The following AGAP6 variants were observed in gnomAD, a reference collection of about 807,000 sequenced individuals.
AGAP6 encodes ArfGAP with GTPase domain, ankyrin repeat and PH domain 6, also known as arf-GAP with GTPase, ANK repeat and PH domain-containing protein 6.
Under a neutral mutation model 63.9 loss-of-function variants are expected in AGAP6, and 29 were observed. The observed-to-expected ratio is 0.45, with a 90% CI of 0.34 to 0.62. The LOEUF (loss-of-function observed/expected upper bound fraction) is 0.62, where lower values mean the gene tolerates loss of function less well. Among genes scored for constraint, AGAP6 ranks in the 20% least tolerant of loss-of-function variants. The pLI is 0.01. For synonymous variants in AGAP6, 199 were observed against 332.9 expected (o/e 0.60, Z 4.38); for missense variants, 493 against 884.9 (o/e 0.56, Z 5.62).
chr10:49,992,914 A>G (rs1235418460), intron 3 of AGAP6, among the ~76,000 whole-genome samples: 2 of 152,238 alleles, frequency 1.3e-5, no homozygotes, highest in African/African-American at 2.4e-5. Flanking sequence ...GGTGGGCACC[A>G]TAACACCTGG....
chr10:49,990,156 T>C (rs1376145688), intron 2 of AGAP6, among the ~76,000 whole-genome samples: 1 of 152,322 alleles, frequency 6.6e-6, no homozygotes, highest in South Asian at 2.1e-4. Context: ...GTTACAGTTT[T>C]GGCTGGGCTT....
At chr10:50,008,115 C>T (rs782338731) in intron 7 of AGAP6, 39 bp downstream of exon 7, 8 of 1,611,682 alleles carry the variant, frequency 5.0e-6, no homozygotes, top group East Asian at 2.2e-5. Context: ...TTTCATCATA[C>T]ACTTGTATCT....
intron 4 of AGAP6, among the ~76,000 whole-genome samples, chr10:49,998,857 C>G (rs1291795387): frequency 7.2e-6 from 1 of 138,636 alleles, no homozygotes. Context: ...CATGGGGTGT[C>G]TTTCCATTTG....
rs200960442 is a variant in AGAP6 at position 50,009,037 on chromosome 10, C to T, written c.912C>T (p.Tyr304=). The change falls in exon 8 of 8, where the codon TAC becomes TAT. Residue 304 remains tyrosine, a synonymous_variant. Coordinates refer to ENST00000412531, the MANE Select transcript of AGAP6 (RefSeq NM_001077665.3). ...GGCTGAAGACATGGAAAAAGAAATA[C>T]GTCACCCTGTGTTCCAATGGCATGC... The part of the protein sequence containing the change: ...GKWLKTWKKK[Y]VTLCSNGMLT... 0.015 allele frequency: 23,439 copies of T among 1,613,656 alleles called. 201 individuals carry two copies. The highest frequency in any genetic ancestry group is 0.016 in the Non-Finnish European group (19,436 of 1,179,858).
chr10:49,992,724 A>G (rs1554861269), intron 3 of AGAP6, among the ~76,000 whole-genome samples: 2 of 152,044 alleles, frequency 1.3e-5, no homozygotes, highest in Admixed American at 1.3e-4. Context: ...CCACACGGTG[A>G]AAGAGGGAGG....
chr10:49,997,585 CTTTGT>C (rs1239497945), intron 4 of AGAP6, among the ~76,000 whole-genome samples: 9 of 152,040 alleles, frequency 5.9e-5, no homozygotes, highest in Non-Finnish European at 1.2e-4. Context: ...GAACTTTAGT[CTTTGT>C]TTTATTTTAT....
chr10:50,003,480 G>A (rs2132150648), intron 5 of AGAP6, among the ~76,000 whole-genome samples: 1 of 152,264 alleles, frequency 6.6e-6, no homozygotes, highest in Non-Finnish European at 1.5e-5. Flanking sequence ...AAATCGGGAT[G>A]GATGTGAGGC....
chr10:50,005,910 A>G (rs1305036542), intron 6 of AGAP6, among the ~76,000 whole-genome samples: 11 of 141,374 alleles, frequency 7.8e-5, no homozygotes, highest in African/African-American at 2.3e-4. Context: ...ACAGAGAGAG[A>G]CTCTGTCTCA....
rs1554864817 is a variant in AGAP6, at chr10:50,009,172, A to G, written c.1047A>G (p.Thr349=). 1 of 1,614,258 alleles carries G rather than the reference A, an allele frequency of 6.2e-7. No individual in the cohort carries two copies. Among genetic ancestry groups the G allele is most frequent in the East Asian group, 2.2e-5 (1 of 44,896 alleles). Residue 349 remains threonine (T), a synonymous_variant, in exon 8 of 8, where the codon ACA becomes ACG. Transcript: ENST00000412531. ...KVPGKWPSLA[T]SACTPISSSK... ...CAGGAAAGTGGCCATCCCTAGCCAC[A>G]TCGGCCTGCACACCCATCTCCAGCT...
chr10:50,005,727 C>T (rs1841890750), intron 6 of AGAP6, among the ~76,000 whole-genome samples: 1 of 150,154 alleles, frequency 6.7e-6, no homozygotes, highest in African/African-American at 2.5e-5. Flanking sequence ...TTGAGACCAG[C>T]CCGACCAACA....
At chr10:49,997,336 G>A (rs1157086059) in intron 4 of AGAP6, among the ~76,000 whole-genome samples, 5 of 152,100 alleles carry the variant, frequency 3.3e-5, no homozygotes, top group African/African-American at 1.2e-4. Flanking sequence ...TCTACAAAAA[G>A]GTTAAATAAC....
intron 4 of AGAP6, among the ~76,000 whole-genome samples, chr10:49,999,374 C>T (rs1841610499): frequency 7.2e-6 from 1 of 138,308 alleles, no homozygotes; most frequent in African/African-American, 2.8e-5. Context: ...ACATGATCAT[C>T]TAAACAGATG....
chr10:49,994,670 A>G (rs1259472614), intron 4 of AGAP6, among the ~76,000 whole-genome samples: 1 of 152,236 alleles, frequency 6.6e-6, no homozygotes, highest in Non-Finnish European at 1.5e-5. Context: ...GGTTCAAAAG[A>G]TCTGCCTTAC....
chr10:50,008,293 T>C (rs1159091884), intron 7 of AGAP6, among the ~76,000 whole-genome samples: 1 of 145,774 alleles, frequency 6.9e-6, no homozygotes, highest in Non-Finnish European at 1.5e-5. Flanking sequence ...CAACAGAAGA[T>C]GTATCTTTTT....
chr10:50,004,078 G>A (rs1841811840), intron 5 of AGAP6, among the ~76,000 whole-genome samples: 3 of 152,080 alleles, frequency 2.0e-5, no homozygotes, highest in African/African-American at 7.2e-5. Flanking sequence ...CCAGCCACTT[G>A]GGAGGCTGAG....
chr10:50,002,030 T>C lies in AGAP6; in HGVS notation c.431T>C (p.Leu144Ser), dbSNP rs532966615. The change falls in exon 5 of 8, where the codon TTG becomes TCG. Residue 144 changes from leucine to serine, a missense_variant. Leu to Ser is a moderately radical substitution (Grantham distance 145, BLOSUM62 -2). Coordinates refer to ENST00000412531, the MANE Select transcript of AGAP6 (RefSeq NM_001077665.3). ...GTGCGTTTCAGTCAACAATACAGCT[T>C]GTGTTCGACAATATTCCTTGATGAC... ...SAVRFSQQYS[L>S]CSTIFLDDST... 14 of 1,612,658 alleles carry C rather than the reference T, an allele frequency of 8.7e-6. No individual in the cohort carries two copies. In the African/African-American group the frequency reaches 1.1e-4, roughly 12 times the overall value.
chr10:50,008,990 C>G lies in AGAP6; in HGVS notation c.865C>G (p.Leu289Val), dbSNP rs1313522824. 5.6e-6 allele frequency: 9 copies of G among 1,613,816 alleles called. No homozygotes were observed. In the Admixed American group the frequency reaches 1.5e-4, roughly 27 times the overall value. Residue 289 changes from leucine to valine, a missense_variant, in exon 8 of 8, where the codon CTC (leucine) becomes GTC (valine). This residue lies in a region of AGAP6 where 342 missense variants were observed against 533.4 expected (regional missense o/e 0.64). Transcript: ENST00000412531. Reference sequence around the variant, plus strand: ...AGCCATCCCCATTAAACAGGGCATGCTCTTAAAGCGAAGTGGGAAATGGCT... The same window carrying G: ...AGCCATCCCCATTAAACAGGGCATGGTCTTAAAGCGAAGTGGGAAATGGCT... ...GRAIPIKQGM[L>V]LKRSGKWLKT...
intron 2 of AGAP6, among the ~76,000 whole-genome samples, chr10:49,991,387 T>G (rs1458910168): frequency 6.7e-6 from 1 of 148,490 alleles, no homozygotes; most frequent in Non-Finnish European, 1.5e-5. Context: ...CTCTTCTGTT[T>G]TTTTTTTTTT....
rs1841727949 is a variant in AGAP6 at position 50,001,932 on chromosome 10, G to A, written c.397-64G>A. 2.1e-5 allele frequency: 34 copies of A among 1,589,274 alleles called. No homozygotes were observed. The South Asian group carries it at 3.5e-4, about 17-fold the overall frequency. On this transcript the variant is annotated intron_variant, in intron 4 of 7. Transcript: ENST00000412531. ...GACATATCTTAGTGCTTTGTCATTT[G>A]ACATTTTAACTGAGAAAATAATACA...
Sources: allele counts gnomAD v4.1 joint callset (sites outside exome capture counted in the v4.1 genomes callset), GRCh38; gene constraint gnomAD v4.1.1; regional missense constraint gnomAD v4.1.1; transcripts MANE v1.5; gene names NCBI Gene and HGNC (gene_info 2026-07-23, HGNC 2026-07-21).